MAP2K5: variants seen among roughly 807,000 people sequenced by gnomAD.
The protein encoded by MAP2K5 is mitogen-activated protein kinase kinase 5, also known as dual specificity mitogen-activated protein kinase kinase 5.
MAP2K5 carries 49 observed loss-of-function variants against 83.1 expected under a neutral mutation model. The observed-to-expected ratio is 0.59, with a 90% CI of 0.47 to 0.75. The LOEUF is 0.75. Among genes scored for constraint, MAP2K5 ranks in the 30% least tolerant of loss-of-function variants. The probability of loss-of-function intolerance (pLI) is 0.00; values close to 1 mark genes in which losing one functional copy is unlikely to be tolerated. For missense variants in MAP2K5, 457 were observed against 557.5 expected, an observed-to-expected ratio of 0.82 and a Z score of 1.82; for synonymous variants, 202 against 191.8, an observed-to-expected ratio of 1.05 and a Z score of -0.44.
intron 2 of MAP2K5, among the ~76,000 whole-genome samples, chr15:67,557,737 C>CT (rs2084657130): frequency 6.6e-6 from 1 of 152,138 alleles, no homozygotes; most frequent in Non-Finnish European, 1.5e-5. Context: ...AGGAGATACT[C>CT]TTGTGTTCAG....
rs2090257485 is a variant in MAP2K5 at position 67,777,368 on chromosome 15, A to G, written c.1242+4616A>G. On this transcript the variant is annotated intron_variant, in intron 21 of 21. Coordinates refer to ENST00000178640, the MANE Select transcript of MAP2K5 (RefSeq NM_145160.3). This position sits in a 1 kb window ranked among gnomAD's most constrained non-coding sequence, Gnocchi z 6.0. The stretch of plus-strand genomic sequence containing the variant: ...GTGTTTCCAGAAGCTTTCAGTGTCT[A>G]AGCTCTATTTAATGGAATCTATGCA... Among the ~76,000 whole-genome samples, 1 of 152,138 alleles carries G rather than the reference A, an allele frequency of 6.6e-6. No individual in the cohort carries two copies. The highest frequency in any genetic ancestry group is 2.1e-4 in the South Asian group (1 of 4,822).
At position 67,658,584 on chromosome 15, in the gene MAP2K5, A is replaced by G. The variant is rs779671706; in HGVS notation, c.768A>G (p.Pro256=). Reference sequence around the variant, plus strand: ...CTTTGGATGTATATAGGAAAATGCCAGAACATGTCCTTGGAAGAATTGCAG... The same window carrying G: ...CTTTGGATGTATATAGGAAAATGCCGGAACATGTCCTTGGAAGAATTGCAG... The part of the protein sequence containing the change: ...GGSLDVYRKM[P]EHVLGRIAVA... The change falls in exon 12 of 22, where the codon CCA becomes CCG. Residue 256 remains proline, a synonymous_variant. Transcript: ENST00000178640. 4 of 1,612,258 alleles carry G rather than the reference A, an allele frequency of 2.5e-6. No homozygotes were observed. The African/African-American group carries it at 4.0e-5, about 16-fold the overall frequency.
At chr15:67,630,379 CTG>C (rs2086443598) in intron 8 of MAP2K5, among the ~76,000 whole-genome samples, 1 of 152,046 alleles carries the variant, frequency 6.6e-6, no homozygotes, top group Admixed American at 6.5e-5. Flanking sequence ...TTCACTATAT[CTG>C]TTACTTTGAG....
chr15:67,715,916 G>A (rs1416666123), intron 16 of MAP2K5, among the ~76,000 whole-genome samples: 1 of 152,174 alleles, frequency 6.6e-6, no homozygotes, highest in African/African-American at 2.4e-5. Flanking sequence ...AGGTAAAAAT[G>A]TCCCATCCCT....
intron 2 of MAP2K5, among the ~76,000 whole-genome samples, chr15:67,558,832 G>GT (rs762224618): frequency 2.9e-4 from 44 of 152,228 alleles, no homozygotes; most frequent in Non-Finnish European, 6.0e-4. Flanking sequence ...TTCCACTAGA[G>GT]TGTATGTTCC....
chr15:67,554,412 T>C (rs2084583111), intron 2 of MAP2K5, among the ~76,000 whole-genome samples: 1 of 152,190 alleles, frequency 6.6e-6, no homozygotes, highest in Non-Finnish European at 1.5e-5. Flanking sequence ...TGATATCTTA[T>C]ATAAAAGAAA....
intron 3 of MAP2K5, among the ~76,000 whole-genome samples, chr15:67,576,934 T>A (rs186391288): frequency 0.2 from 28,297 of 138,456 alleles, 4,928 homozygotes; most frequent in African/African-American, 0.27. Context: ...ATATATTTTT[T>A]TTTTTTTTTT....
At position 67,775,675 on chromosome 15, in the gene MAP2K5, T is replaced by C. The variant is rs1205346648; in HGVS notation, c.1242+2923T>C. Among the ~76,000 whole-genome samples, 2 of 152,174 alleles carry C rather than the reference T, an allele frequency of 1.3e-5. No homozygotes were observed. The highest frequency in any genetic ancestry group is 4.8e-5 in the African/African-American group (2 of 41,432). On this transcript the variant is annotated intron_variant, in intron 21 of 21. Transcript: ENST00000178640. The surrounding 1 kb of genome is among the most constrained non-coding windows in gnomAD (Gnocchi z 5.3). ...AAAGAACTGCAGGGTTCTGTGGAGA[T>C]CCATCTGGGGAAATGAGGAAAAACT... is the stretch of plus-strand genomic sequence containing the variant.
rs994945916 is a variant in MAP2K5, at chr15:67,802,348, C to T, written c.1243-4298C>T. On this transcript the variant is annotated intron_variant, in intron 21 of 21. Coordinates refer to ENST00000178640, the MANE Select transcript of MAP2K5 (RefSeq NM_145160.3). The surrounding 1 kb of genome is among the most constrained non-coding windows in gnomAD (Gnocchi z 5.0). ...ATTTTCACCAATGTCCCTCATTGTG[C>T]TTCTCAGCCCTGTTGGTGAGGGTGT... 2.0e-5 allele frequency among the ~76,000 whole-genome samples: 3 copies of T among 152,240 alleles called. No homozygotes were observed. Among genetic ancestry groups the T allele is most frequent in the African/African-American group, 4.8e-5 (2 of 41,452 alleles).
Position 67,591,004 on chromosome 15 carries a change from A to G in MAP2K5, c.432-1922A>G, listed in dbSNP as rs112319446. Among the ~76,000 whole-genome samples the G allele has an allele frequency of 3.3e-3, 504 of 152,196 alleles. 4 individuals carry two copies. Among genetic ancestry groups the G allele is most frequent in the African/African-American group, 0.011 (477 of 41,546 alleles). On this transcript the variant is annotated intron_variant, in intron 6 of 21. Transcript: ENST00000178640. ...GTATGGTAGGAAGAAAGACATCTATACTGACAACTAGCATGGGTAGGTAGG... is the reference window on the plus strand; with the variant it reads ...GTATGGTAGGAAGAAAGACATCTATGCTGACAACTAGCATGGGTAGGTAGG...
At chr15:67,624,628 TGTGTGTGTGTGA>T (rs768905747) in intron 8 of MAP2K5, among the ~76,000 whole-genome samples, 43 of 109,136 alleles carry the variant, frequency 3.9e-4, no homozygotes, top group Admixed American at 1.3e-3. Flanking sequence ...TGTGTGTGTG[TGTGTGTGTGTGA>T]GTGTGTTTGA....
At chr15:67,649,686 G>T (rs2086908821) in intron 11 of MAP2K5, among the ~76,000 whole-genome samples, 1 of 152,110 alleles carries the variant, frequency 6.6e-6, no homozygotes, top group African/African-American at 2.4e-5. Flanking sequence ...CATTGATCTA[G>T]TTGTCTATCT....
At chr15:67,737,793 A>ATG (rs1227063011) in intron 17 of MAP2K5, among the ~76,000 whole-genome samples, 1 of 145,818 alleles carries the variant, frequency 6.9e-6, no homozygotes. Flanking sequence ...ATGTCTGCAG[A>ATG]TGGTGACCAC....
intron 2 of MAP2K5, among the ~76,000 whole-genome samples, chr15:67,554,596 C>T (rs1193705147): frequency 6.6e-6 from 1 of 152,178 alleles, no homozygotes; most frequent in Non-Finnish European, 1.5e-5. Context: ...AATGAAACCT[C>T]CGGTGATTCC....
intron 8 of MAP2K5, chr15:67,627,906 G>T: frequency 1.3e-6 from 1 of 743,310 alleles, no homozygotes; most frequent in Non-Finnish European, 2.4e-6. Flanking sequence ...CTCTTCATTG[G>T]AGGGCTGAAC....
At chr15:67,641,297 C>G (rs1404407412) in intron 9 of MAP2K5, 1 of 170,046 alleles carries the variant, frequency 5.9e-6, no homozygotes, top group East Asian at 1.9e-4. Context: ...TTTGATTAAT[C>G]ATTTGTATAC....
chr15:67,730,826 A>G (rs1314417173), intron 17 of MAP2K5, among the ~76,000 whole-genome samples: 1 of 152,164 alleles, frequency 6.6e-6, no homozygotes, highest in African/African-American at 2.4e-5. Context: ...GGAGTGGCCT[A>G]TTGGAAGGAG....
In MAP2K5 at chr15:67,775,367, T is replaced by A. The variant is rs532738535; in HGVS notation, c.1242+2615T>A. Among the ~76,000 whole-genome samples the A allele has an allele frequency of 6.6e-6, 1 of 152,350 alleles. No homozygotes were observed. The highest frequency in any genetic ancestry group is 2.1e-4 in the South Asian group (1 of 4,824). Reference sequence around the variant, plus strand: ...TTAAAGTTGGACCAAGAAATTCCTTTACTGCTTACATTTTGGGGAGGCCAG... The same window carrying A: ...TTAAAGTTGGACCAAGAAATTCCTTAACTGCTTACATTTTGGGGAGGCCAG... On this transcript the variant is annotated intron_variant, in intron 21 of 21. Transcript: ENST00000178640. This position sits in a 1 kb window ranked among gnomAD's most constrained non-coding sequence, Gnocchi z 5.3.
intron 8 of MAP2K5, among the ~76,000 whole-genome samples, chr15:67,623,805 C>T (rs554537946): frequency 6.6e-6 from 1 of 151,962 alleles, no homozygotes; most frequent in African/African-American, 2.4e-5. Context: ...CCATGTTGGT[C>T]AGGCTGGTCT....
Sources: gnomAD v4.1 joint callset for allele counts (sites outside exome capture counted in the v4.1 genomes callset) on GRCh38, gnomAD v4.1.1 for gene constraint, Gnocchi (gnomAD v3.1) non-coding constraint, MANE v1.5 for transcripts, NCBI Gene and HGNC (gene_info 2026-07-23, HGNC 2026-07-21) for gene names.